SPSB4: variants seen among roughly 807,000 people sequenced by gnomAD.
The protein encoded by SPSB4 is splA/ryanodine receptor domain and SOCS box containing 4.
Under a neutral mutation model 20.9 loss-of-function variants are expected in SPSB4, and 21 were observed. The ratio of observed to expected loss-of-function variants is 1.01; its 90% CI spans 0.71 to 1.45. SPSB4 has a LOEUF of 1.45. SPSB4 is among the 40% of genes most tolerant of loss of function. The pLI is 0.00. For synonymous variants in SPSB4, 207 were observed against 183.8 expected (o/e 1.13, Z -1.02); for missense variants, 399 against 399.2 (o/e 1.00, Z 0.00).
intron 2 of SPSB4, among the ~76,000 whole-genome samples, chr3:141,110,767 AG>A (rs1938783799): frequency 6.6e-6 from 1 of 152,238 alleles, no homozygotes; most frequent in African/African-American, 2.4e-5. Context: ...TTCCTTAGCA[AG>A]TCTTATGGCC....
intron 2 of SPSB4, among the ~76,000 whole-genome samples, chr3:141,142,803 C>CTTTTTTTGTTTTTTTTTTTTT (rs1939352743): frequency 1.6e-5 from 1 of 61,992 alleles, no homozygotes; most frequent in African/African-American, 5.1e-5. Context: ...CCCTCTTTGT[C>CTTTTTTTGTTTTTTTTTTTTT]TTTTTTTTTT....
At chr3:141,053,292 C>G (rs1323830333) in intron 1 of SPSB4, among the ~76,000 whole-genome samples, 1 of 149,686 alleles carries the variant, frequency 6.7e-6, no homozygotes, top group Non-Finnish European at 1.5e-5. Flanking sequence ...TATAAACATC[C>G]TTTACCCAAG....
At chr3:141,109,971 C>T (rs939327025) in intron 2 of SPSB4, among the ~76,000 whole-genome samples, 41 of 152,170 alleles carry the variant, frequency 2.7e-4, no homozygotes, top group Admixed American at 2.0e-4. Flanking sequence ...AGAGAATCTC[C>T]GCCCCACAGC....
chr3:141,087,561 C>T (rs1576525429), intron 2 of SPSB4, among the ~76,000 whole-genome samples: 1 of 152,222 alleles, frequency 6.6e-6, no homozygotes, highest in African/African-American at 2.4e-5. Flanking sequence ...GCTTTACATC[C>T]ATGATCTCAT....
chr3:141,058,939 C>T (rs1156970122), intron 1 of SPSB4, among the ~76,000 whole-genome samples: 1 of 152,142 alleles, frequency 6.6e-6, no homozygotes, highest in Non-Finnish European at 1.5e-5. Context: ...TGAGCCCTCC[C>T]TGAAGCCCAG....
At chr3:141,118,989 A>G (rs541780192) in intron 2 of SPSB4, among the ~76,000 whole-genome samples, 50 of 152,280 alleles carry the variant, frequency 3.3e-4, no homozygotes, top group African/African-American at 6.3e-4. Context: ...TTTTGGTTCC[A>G]TATGAACTTT....
At chr3:141,081,858 G>C (rs1156444765) in intron 2 of SPSB4, among the ~76,000 whole-genome samples, 1 of 152,150 alleles carries the variant, frequency 6.6e-6, no homozygotes, top group Non-Finnish European at 1.5e-5. Context: ...ACGGCGTTAG[G>C]GGCTACTTCA....
intron 2 of SPSB4, among the ~76,000 whole-genome samples, chr3:141,073,363 G>C (rs1231105951): frequency 6.6e-6 from 1 of 152,154 alleles, no homozygotes; most frequent in African/African-American, 2.4e-5. Context: ...AAATACAGTA[G>C]AATCACGTTA....
chr3:141,074,871 T>C (rs1438820788), intron 2 of SPSB4, among the ~76,000 whole-genome samples: 1 of 152,138 alleles, frequency 6.6e-6, no homozygotes, highest in African/African-American at 2.4e-5. Flanking sequence ...GGGGAAGAGG[T>C]AAAGGGTCTC....
intron 2 of SPSB4, among the ~76,000 whole-genome samples, chr3:141,089,329 A>G (rs1938407635): frequency 6.6e-6 from 1 of 152,248 alleles, no homozygotes; most frequent in Admixed American, 6.5e-5. Context: ...CCATACGTCC[A>G]GCAGGAGTAG....
intron 2 of SPSB4, among the ~76,000 whole-genome samples, chr3:141,088,155 A>G (rs1156965708): frequency 6.6e-6 from 1 of 152,154 alleles, no homozygotes; most frequent in African/African-American, 2.4e-5. Flanking sequence ...AAATGGACCC[A>G]GGAGCTACCC....
At position 141,112,835 on chromosome 3, in the gene SPSB4, C is replaced by G. The variant is rs568280827; in HGVS notation, c.695-34307C>G. On this transcript the variant is annotated intron_variant, in intron 2 of 2. Coordinates refer to ENST00000310546, the MANE Select transcript of SPSB4 (RefSeq NM_080862.3). Reference sequence around the variant, plus strand: ...GGCAGCAGAGCCCATGGACGGACCACTTCTGGCCTCAAGGAGCTTTCCAGG... The same window carrying G: ...GGCAGCAGAGCCCATGGACGGACCAGTTCTGGCCTCAAGGAGCTTTCCAGG... 9.5e-4 allele frequency among the ~76,000 whole-genome samples: 144 copies of G among 152,136 alleles called. 2 individuals carry two copies. The highest frequency in any genetic ancestry group is 3.4e-3 in the African/African-American group (141 of 41,482).
At chr3:141,113,013 TC>T (rs879734077) in intron 2 of SPSB4, among the ~76,000 whole-genome samples, 2 of 152,198 alleles carry the variant, frequency 1.3e-5, no homozygotes, top group Non-Finnish European at 2.9e-5. Context: ...TGTTCTCCCA[TC>T]TTCTTTGTAT....
intron 1 of SPSB4, among the ~76,000 whole-genome samples, chr3:141,052,957 C>T (rs1017485878): frequency 6.6e-6 from 1 of 152,180 alleles, no homozygotes; most frequent in African/African-American, 2.4e-5. Context: ...AGACGGCTGC[C>T]GGCAGGAAGG....
rs1330280978 is a variant in SPSB4 at position 141,066,373 on chromosome 3, AG to A, written c.271del (p.Val91TrpfsTer24). 2 of 1,552,350 alleles carry A rather than the reference AG, an allele frequency of 1.3e-6. No individual in the cohort carries two copies. Among genetic ancestry groups the A allele is most frequent in the Non-Finnish European group, 1.7e-6 (2 of 1,150,272 alleles). ...VAQSTDGIRG[K>X]VGHARGLHAW... ...CAGAGCACCGACGGCATCCGCGGCAAGGTGGGCCACGCCCGCGGCCTGCACG... is the reference window on the plus strand; with the variant it reads ...CAGAGCACCGACGGCATCCGCGGCAAGTGGGCCACGCCCGCGGCCTGCACG... On this transcript the variant is annotated frameshift_variant, in exon 2 of 3. Coordinates refer to ENST00000310546, the MANE Select transcript of SPSB4 (RefSeq NM_080862.3). LOFTEE classifies it high-confidence loss of function.
At chr3:141,086,870 G>A (rs570714786) in intron 2 of SPSB4, among the ~76,000 whole-genome samples, 1 of 152,316 alleles carries the variant, frequency 6.6e-6, no homozygotes, top group Admixed American at 6.5e-5. Flanking sequence ...GGGAAACTGA[G>A]GCATAGAGGC....
chr3:141,099,185 CTT>C (rs368249255), intron 2 of SPSB4, among the ~76,000 whole-genome samples: 40 of 139,318 alleles, frequency 2.9e-4, no homozygotes, highest in African/African-American at 6.6e-4. Context: ...GATAATATGA[CTT>C]TTTTTTTTTT....
intron 2 of SPSB4, among the ~76,000 whole-genome samples, chr3:141,093,956 G>A (rs1051645145): frequency 6.6e-6 from 1 of 152,160 alleles, no homozygotes; most frequent in African/African-American, 2.4e-5. Context: ...CCACCTCTGG[G>A]AAGTGGAGGC....
At chr3:141,118,316 C>A (rs190347653) in intron 2 of SPSB4, among the ~76,000 whole-genome samples, 1 of 152,176 alleles carries the variant, frequency 6.6e-6, no homozygotes, top group Admixed American at 6.5e-5. Context: ...CTCTTTATAG[C>A]CTTTGCCTAA....
Sources: gnomAD v4.1 joint callset for allele counts (sites outside exome capture counted in the v4.1 genomes callset) on GRCh38, gnomAD v4.1.1 for gene constraint, MANE v1.5 for transcripts, NCBI Gene and HGNC (gene_info 2026-07-23, HGNC 2026-07-21) for gene names.